The following MIB1 variants were observed in gnomAD, a reference collection of about 807,000 sequenced individuals.
The protein encoded by MIB1 is MIB E3 ubiquitin protein ligase 1, also known as E3 ubiquitin-protein ligase MIB1.
Under a neutral mutation model 124.5 loss-of-function variants are expected in MIB1, and 278 were observed. That is an observed-to-expected ratio of 2.23 (90% confidence interval 2.02 to 2.47). The LOEUF (loss-of-function observed/expected upper bound fraction) is 2.47. Ranked by LOEUF, MIB1 falls within the 30% of genes most tolerant of loss-of-function variation. MIB1 has a pLI of 0.00. For missense variants in MIB1, 957 were observed against 1,254.4 expected (o/e 0.76, Z 3.58); for synonymous variants, 446 against 429.4 (o/e 1.04, Z -0.48).
intron 12 of MIB1, among the ~76,000 whole-genome samples, chr18:21,835,840 A>ACACACACAC (rs1555695330): frequency 3.1e-4 from 33 of 108,060 alleles, no homozygotes; most frequent in South Asian, 1.0e-3. Flanking sequence ...CACACACACA[A>ACACACACAC]ACACACACGA....
At chr18:21,729,066 T>A (rs1220638236) in intron 1 of MIB1, among the ~76,000 whole-genome samples, 1 of 152,204 alleles carries the variant, frequency 6.6e-6, no homozygotes, top group Non-Finnish European at 1.5e-5. Context: ...TTCAACTGCA[T>A]CTCAGGCAGG....
At chr18:21,834,412 G>T (rs149705601) in intron 12 of MIB1, among the ~76,000 whole-genome samples, 1 of 152,088 alleles carries the variant, frequency 6.6e-6, no homozygotes, top group Non-Finnish European at 1.5e-5. Flanking sequence ...ATAACTTCCC[G>T]CTCCTTAAGT....
intron 10 of MIB1, among the ~76,000 whole-genome samples, chr18:21,806,177 T>A (rs2041704104): frequency 6.6e-6 from 1 of 151,908 alleles, no homozygotes; most frequent in South Asian, 2.1e-4. Context: ...ATGCTGGGAT[T>A]ACTGGCATGA....
Position 21,779,559 on chromosome 18 carries a change from TAC to T in MIB1, c.784_785del (p.Gln262ValfsTer11), listed in dbSNP as rs781372271. 9 of 1,614,116 alleles carry T rather than the reference TAC, an allele frequency of 5.6e-6. No individual in the cohort carries two copies. The highest frequency in any genetic ancestry group is 6.8e-6 in the Non-Finnish European group (8 of 1,179,982). On this transcript the variant is annotated frameshift_variant, in exon 6 of 21. Transcript: ENST00000261537. LOFTEE classifies it high-confidence loss of function. ...AATATAGATCTCGACCTCGAAATTG[TAC>T]AGTCTTTGCAGCATGGTCATGGAGG...
At chr18:21,855,591 A>G (rs928472764) in intron 18 of MIB1, among the ~76,000 whole-genome samples, 7 of 152,228 alleles carry the variant, frequency 4.6e-5, no homozygotes, top group African/African-American at 1.7e-4. Context: ...GCACTTGTAT[A>G]ACCGAGCGTC....
intron 1 of MIB1, among the ~76,000 whole-genome samples, chr18:21,744,568 C>T (rs987005789): frequency 6.6e-6 from 1 of 152,164 alleles, no homozygotes; most frequent in East Asian, 1.9e-4. Context: ...CAAGATCACA[C>T]GTTGCATTTA....
At chr18:21,815,488 C>A (rs2041821727) in intron 10 of MIB1, 128 bp from the exon 11 acceptor site, 3 of 784,126 alleles carry the variant, frequency 3.8e-6, no homozygotes, top group Non-Finnish European at 6.0e-6. Context: ...TGGTCAAGTT[C>A]TAGTTATTTT....
chr18:21,708,729 C>A (rs2040651841), intron 1 of MIB1, among the ~76,000 whole-genome samples: 1 of 152,132 alleles, frequency 6.6e-6, no homozygotes, highest in Non-Finnish European at 1.5e-5. Flanking sequence ...AAGTTTAATT[C>A]ATTCATTCAA....
intron 12 of MIB1, chr18:21,826,037 C>CT: frequency 4.1e-6 from 1 of 241,208 alleles, no homozygotes; most frequent in Non-Finnish European, 8.3e-6. Flanking sequence ...GCTTCTTTTT[C>CT]TTTTTCTAAT....
At chr18:21,790,060 TCA>T (rs2146441067) in intron 6 of MIB1, among the ~76,000 whole-genome samples, 1 of 152,318 alleles carries the variant, frequency 6.6e-6, no homozygotes, top group Admixed American at 6.5e-5. Flanking sequence ...TATAAAGACA[TCA>T]GCATTCAAAT....
chr18:21,837,759 G>A (rs1370253609), intron 12 of MIB1, among the ~76,000 whole-genome samples: 1 of 151,972 alleles, frequency 6.6e-6, no homozygotes, highest in African/African-American at 2.4e-5. Context: ...TTTTGCTCCA[G>A]ACTTGGTTTA....
chr18:21,742,587 AT>A (rs2040867069), intron 1 of MIB1, among the ~76,000 whole-genome samples: 4 of 152,140 alleles, frequency 2.6e-5, no homozygotes, highest in Non-Finnish European at 5.9e-5. Context: ...GTGAATCTTG[AT>A]TAGTGAATTT....
At chr18:21,727,785 G>C (rs996189635) in intron 1 of MIB1, among the ~76,000 whole-genome samples, 1 of 150,858 alleles carries the variant, frequency 6.6e-6, no homozygotes, top group Admixed American at 6.6e-5. Flanking sequence ...GGTCAGGAAT[G>C]GAAAAAGAAG....
Position 21,838,378 on chromosome 18 carries a change from T to G in MIB1, c.1843T>G (p.Leu615Val). 1 of 1,597,130 alleles carries G rather than the reference T, an allele frequency of 6.3e-7. No individual in the cohort carries two copies. The highest frequency in any genetic ancestry group is 8.5e-7 in the Non-Finnish European group (1 of 1,170,904). Residue 615 changes from leucine to valine, a missense_variant, in exon 13 of 21, where the codon TTA becomes GTA. Leu to Val is a conservative substitution (Grantham distance 32). Coordinates refer to ENST00000261537, the MANE Select transcript of MIB1 (RefSeq NM_020774.4). ...LRGNPSAMRV[L>V]LSKLPRPWIV... is the part of the protein sequence containing the mutation. ...TTTAACTTTCAGTGCAATGCGTGTTTTACTATCTAAATTACCAAGACCATG... is the reference window on the plus strand; with the variant it reads ...TTTAACTTTCAGTGCAATGCGTGTTGTACTATCTAAATTACCAAGACCATG...
chr18:21,808,205 C>T (rs1598621193), intron 10 of MIB1, among the ~76,000 whole-genome samples: 1 of 152,254 alleles, frequency 6.6e-6, no homozygotes, highest in East Asian at 1.9e-4. Context: ...ATTTTGTTCT[C>T]TAGTTATCTC....
At chr18:21,833,111 T>G (rs2041999400) in intron 12 of MIB1, among the ~76,000 whole-genome samples, 1 of 152,198 alleles carries the variant, frequency 6.6e-6, no homozygotes, top group Admixed American at 6.5e-5. Flanking sequence ...AGAGCCAGAA[T>G]TTGAACTCAG....
rs751128298 is a variant in MIB1, at chr18:21,765,967, C to G, written c.401+24C>G. 4 of 1,610,214 alleles carry G rather than the reference C, an allele frequency of 2.5e-6. No individual in the cohort carries two copies. In the Admixed American group the frequency reaches 6.7e-5, roughly 27 times the overall value. On this transcript the variant is annotated intron_variant, in intron 2 of 20. Transcript: ENST00000261537. ...AGGTAGGGAGAACCCTTTTCTTCTT[C>G]AACCGAGGGTTTTTGTTTGTATTCA... is the stretch of plus-strand genomic sequence containing the variant.
At chr18:21,824,008 T>G (rs766926298) in intron 12 of MIB1, among the ~76,000 whole-genome samples, 9 of 152,204 alleles carry the variant, frequency 5.9e-5, no homozygotes, top group Non-Finnish European at 1.0e-4. Context: ...TTAGCTGTTT[T>G]TAGAGCTCCC....
At position 21,815,667 on chromosome 18, in the gene MIB1, G is replaced by A. The variant is rs374317020; in HGVS notation, c.1531G>A (p.Ala511Thr). ...VHHAAFGDEG[A>T]VIEVLHRGSA... ...CCATGCAGCTTTTGGAGATGAAGGCGCTGTTATAGAAGTACTACATCGAGG... is the reference window on the plus strand; with the variant it reads ...CCATGCAGCTTTTGGAGATGAAGGCACTGTTATAGAAGTACTACATCGAGG... Residue 511 changes from alanine to threonine, a missense_variant, in exon 11 of 21, where the codon GCT (alanine) becomes ACT (threonine). Transcript: ENST00000261537. 8.7e-6 allele frequency: 14 copies of A among 1,614,006 alleles called. No homozygotes were observed. Among genetic ancestry groups the A allele is most frequent in the African/African-American group, 1.3e-5 (1 of 74,900 alleles).
Sources: gnomAD v4.1 joint callset for allele counts (sites outside exome capture counted in the v4.1 genomes callset) on GRCh38, gnomAD v4.1.1 for gene constraint, MANE v1.5 for transcripts, NCBI Gene and HGNC (gene_info 2026-07-23, HGNC 2026-07-21) for gene names.